The following ADAMTS17 variants were observed in gnomAD, a reference collection of about 807,000 sequenced individuals.
ADAMTS17 encodes the protein A disintegrin and metalloproteinase with thrombospondin motifs 17.
Under a neutral mutation model 141.5 loss-of-function variants are expected in ADAMTS17, and 113 were observed. The ratio of observed to expected loss-of-function variants is 0.80; its 90% CI spans 0.69 to 0.93. ADAMTS17 has a LOEUF of 0.93. Ranked by LOEUF, ADAMTS17 falls within the 40% of genes least tolerant of loss-of-function variation. The pLI is 0.00. For synonymous variants in ADAMTS17, 768 were observed against 630.6 expected, an observed-to-expected ratio of 1.22 and a Z score of -3.27; for missense variants, 1,659 against 1,517.9, an observed-to-expected ratio of 1.09 and a Z score of -1.54.
At chr15:100,316,915 T>C (rs2045583044) in intron 3 of ADAMTS17, among the ~76,000 whole-genome samples, 1 of 152,184 alleles carries the variant, frequency 6.6e-6, no homozygotes, top group Admixed American at 6.5e-5. Flanking sequence ...GCTGTGTCCA[T>C]TCCCAGTCAC....
chr15:100,326,091 G>A (rs556776743), intron 3 of ADAMTS17, among the ~76,000 whole-genome samples: 2 of 152,224 alleles, frequency 1.3e-5, no homozygotes, highest in Admixed American at 1.3e-4. Context: ...TCTTTTTCTG[G>A]GGTTACAGCA....
intron 4 of ADAMTS17, among the ~76,000 whole-genome samples, chr15:100,265,555 C>A (rs140676933): frequency 6.6e-6 from 1 of 152,336 alleles, no homozygotes; most frequent in Non-Finnish European, 1.5e-5. Context: ...GCTTCTCTGG[C>A]TAGGCAATGT....
intron 7 of ADAMTS17, among the ~76,000 whole-genome samples, chr15:100,245,509 A>C (rs995425876): frequency 7.9e-5 from 12 of 152,338 alleles, no homozygotes; most frequent in Non-Finnish European, 1.5e-4. Flanking sequence ...ACATCTCCAA[A>C]GGGCTGGTAG....
At chr15:100,124,470 G>A (rs1264178098) in intron 12 of ADAMTS17, among the ~76,000 whole-genome samples, 1 of 152,212 alleles carries the variant, frequency 6.6e-6, no homozygotes, top group Admixed American at 6.5e-5. Flanking sequence ...GAGAATTACT[G>A]ACAACACCGG....
chr15:100,048,285 A>G (rs2031867615), intron 18 of ADAMTS17, among the ~76,000 whole-genome samples: 1 of 152,202 alleles, frequency 6.6e-6, no homozygotes, highest in Non-Finnish European at 1.5e-5. Context: ...AAAATGACTC[A>G]AAAAGAGGAG....
At chr15:100,051,257 A>G (rs934476390) in intron 17 of ADAMTS17, among the ~76,000 whole-genome samples, 6 of 152,166 alleles carry the variant, frequency 3.9e-5, no homozygotes, top group Non-Finnish European at 8.8e-5. Flanking sequence ...TTGAAGGTCT[A>G]TTCTGTTTAT....
At chr15:100,153,106 A>G (rs527600008) in intron 9 of ADAMTS17, among the ~76,000 whole-genome samples, 17 of 152,320 alleles carry the variant, frequency 1.1e-4, no homozygotes, top group Non-Finnish European at 2.1e-4. Flanking sequence ...ATTTTCTTAG[A>G]CTATGGCTTT....
At chr15:100,320,011 A>C (rs1026579840) in intron 3 of ADAMTS17, among the ~76,000 whole-genome samples, 1 of 152,212 alleles carries the variant, frequency 6.6e-6, no homozygotes, top group African/African-American at 2.4e-5. Context: ...TATAAAAAAG[A>C]CAGCAGTGGA....
chr15:100,182,311 A>C (rs1451913791), intron 8 of ADAMTS17, among the ~76,000 whole-genome samples: 1 of 152,186 alleles, frequency 6.6e-6, no homozygotes, highest in East Asian at 1.9e-4. Context: ...GTGAGCACTC[A>C]CTATCGCAAG....
intron 7 of ADAMTS17, among the ~76,000 whole-genome samples, chr15:100,244,603 GGT>G (rs1418630067): frequency 6.6e-6 from 1 of 152,026 alleles, no homozygotes; most frequent in African/African-American, 2.4e-5. Flanking sequence ...GCTTCTCATG[GGT>G]GGCACCTGGT....
intron 3 of ADAMTS17, among the ~76,000 whole-genome samples, chr15:100,290,361 C>A (rs1483340263): frequency 6.6e-6 from 1 of 152,118 alleles, no homozygotes; most frequent in Admixed American, 6.5e-5. Flanking sequence ...TCAGAGATGA[C>A]ACAAACAAAT....
At chr15:100,314,322 G>A (rs890210024) in intron 3 of ADAMTS17, among the ~76,000 whole-genome samples, 1 of 152,160 alleles carries the variant, frequency 6.6e-6, no homozygotes, top group Non-Finnish European at 1.5e-5. Flanking sequence ...TGCAAATGGC[G>A]TATTAGATAA....
At chr15:100,110,764 A>C (rs2036725468) in intron 13 of ADAMTS17, among the ~76,000 whole-genome samples, 1 of 152,040 alleles carries the variant, frequency 6.6e-6, no homozygotes, top group African/African-American at 2.4e-5. Flanking sequence ...AGGCCTCCTC[A>C]GTGGGTCCTT....
In ADAMTS17 at chr15:100,341,917, G is replaced by GC. The variant is rs150933882; in HGVS notation, c.-19dup. On this transcript the variant is annotated 5_prime_UTR_variant, in exon 1 of 22. Coordinates refer to ENST00000268070, the MANE Select transcript of ADAMTS17 (RefSeq NM_139057.4). ...TCACACATGGTACCCGGGACCGGCA[G>GC]CCCCCCCGGACCGTGGCGGCGAAGC... 1,032 of 1,548,752 alleles carry GC rather than the reference G, an allele frequency of 6.7e-4. 8 individuals carry two copies. Among genetic ancestry groups the GC allele is most frequent in the Non-Finnish European group, 1.5e-4 (173 of 1,146,304 alleles).
intron 7 of ADAMTS17, among the ~76,000 whole-genome samples, chr15:100,206,481 G>T (rs777175142): frequency 2.6e-5 from 4 of 152,162 alleles, no homozygotes; most frequent in Non-Finnish European, 5.9e-5. Flanking sequence ...TGCACTGCTT[G>T]GCGCCTATTT....
At chr15:100,022,827 C>A (rs1291051945) in intron 18 of ADAMTS17, among the ~76,000 whole-genome samples, 3 of 152,038 alleles carry the variant, frequency 2.0e-5, no homozygotes, top group Admixed American at 1.3e-4. Flanking sequence ...GCTACAGAAA[C>A]CACGTCCGTA....
chr15:100,231,182 C>G (rs148133865), intron 7 of ADAMTS17, among the ~76,000 whole-genome samples: 3 of 152,126 alleles, frequency 2.0e-5, no homozygotes, highest in Non-Finnish European at 2.9e-5. Flanking sequence ...TTTTCAGGAC[C>G]GTGTTATGTT....
intron 17 of ADAMTS17, 58 bp from the exon 18 acceptor site, chr15:100,049,050 G>A: frequency 1.9e-6 from 3 of 1,613,320 alleles, no homozygotes; most frequent in East Asian, 2.2e-5. Context: ...TGGAAAGGCT[G>A]GGCTTGCATG....
Position 100,163,066 on chromosome 15 carries a change from G to A in ADAMTS17, c.1182-7746C>T, listed in dbSNP as rs1346594736. The stretch of plus-strand genomic sequence containing the variant: ...TATATAACTATATATGTATATATAT[G>A]TGTATACATATAACTATATAGTTCT... On this transcript the variant is annotated intron_variant, in intron 8 of 21. Transcript: ENST00000268070. Among the ~76,000 whole-genome samples the A allele has an allele frequency of 6.1e-5, 9 of 146,582 alleles. No individual in the cohort carries two copies. In the East Asian group the frequency reaches 1.2e-3, roughly 20 times the overall value.
Sources: allele counts gnomAD v4.1 joint callset (sites outside exome capture counted in the v4.1 genomes callset), GRCh38; gene constraint gnomAD v4.1.1; transcripts MANE v1.5; gene names NCBI Gene and HGNC (gene_info 2026-07-23, HGNC 2026-07-21).